USP47: variants seen among roughly 807,000 people sequenced by gnomAD.
USP47 encodes ubiquitin specific peptidase 47.
A neutral mutation model predicts 165.1 loss-of-function variants in USP47; 35 were observed. The ratio of observed to expected loss-of-function variants is 0.21; its 90% CI spans 0.16 to 0.28. The LOEUF is 0.28. Ranked by LOEUF, USP47 falls within the 10% of genes least tolerant of loss-of-function variation. The pLI, the probability that USP47 is intolerant of heterozygous loss-of-function variation, is 1.00. For synonymous variants in USP47, 531 were observed against 544.5 expected (o/e 0.98, Z 0.35); for missense variants, 1,277 against 1,607.4 (o/e 0.79, Z 3.52).
intron 10 of USP47, among the ~76,000 whole-genome samples, chr11:11,922,342 T>C (rs896605141): frequency 3.9e-5 from 6 of 152,006 alleles, no homozygotes; most frequent in Non-Finnish European, 7.4e-5. Context: ...AAAGAAATTA[T>C]ATTCTTTCCT....
rs939139741 is a variant in USP47, at chr11:11,956,461, G to A, written c.*286G>A. The A allele has an allele frequency of 2.8e-5, 7 of 252,534 alleles. No individual in the cohort carries two copies. The highest frequency in any genetic ancestry group is 1.3e-4 in the African/African-American group (6 of 44,672). The allele number at this position is 252,534 out of a possible 1,614,324, so 15.6% of individuals were successfully genotyped here. On this transcript the variant is annotated 3_prime_UTR_variant, in exon 28 of 28. Coordinates refer to ENST00000527733, the MANE Select transcript of USP47 (RefSeq NM_001282659.2). Reference sequence around the variant, plus strand: ...TAACCTTCTATTAGAAAAGGGGACAGGGGAATGAGTAAACTTCTTTTATTG... The same window carrying A: ...TAACCTTCTATTAGAAAAGGGGACAAGGGAATGAGTAAACTTCTTTTATTG...
chr11:11,925,505 G>T (rs1453466269), intron 11 of USP47, among the ~76,000 whole-genome samples: 1 of 151,898 alleles, frequency 6.6e-6, no homozygotes, highest in African/African-American at 2.4e-5. Context: ...AAATGGAATT[G>T]TTTTCTTAAT....
chr11:11,864,205 T>C (rs1217426238), intron 1 of USP47, among the ~76,000 whole-genome samples: 2 of 152,114 alleles, frequency 1.3e-5, no homozygotes, highest in African/African-American at 4.8e-5. Context: ...AATGTAGGAA[T>C]TTATTTTATG....
chr11:11,928,360 T>A (rs539863879), intron 11 of USP47, among the ~76,000 whole-genome samples: 48 of 152,194 alleles, frequency 3.2e-4, no homozygotes, highest in African/African-American at 1.1e-3. Context: ...GGAATAAAAT[T>A]TGAACCACAA....
Position 11,903,269 on chromosome 11 carries a change from A to C in USP47, c.746A>C (p.Gln249Pro). Residue 249 changes from glutamine (Q) to proline (P), a missense_variant, in exon 7 of 28, where the codon CAG becomes CCG. Physicochemically the swap from Gln to Pro is moderately conservative, Grantham distance 76. This residue lies in a region of USP47 where 175 missense variants were observed against 295.8 expected (regional missense o/e 0.59). Transcript: ENST00000527733. The part of the protein sequence containing the change: ...SFGWDSSEAW[Q>P]QHDVQELCRV... ...GAATTTTATCTTAAAACAGCTTGGC[A>C]GCAGCATGATGTACAAGAACTATGC... 6.2e-7 allele frequency: 1 copy of C among 1,608,994 alleles called. No homozygotes were observed. The highest frequency in any genetic ancestry group is 8.5e-7 in the Non-Finnish European group (1 of 1,177,438).
intron 19 of USP47, 96 bp downstream of exon 19, chr11:11,940,644 C>A: frequency 7.5e-7 from 1 of 1,328,324 alleles, no homozygotes; most frequent in Non-Finnish European, 1.0e-6. Context: ...AGCTGTTCAA[C>A]ATCTGTCTGG....
In USP47 at chr11:11,884,904, A is replaced by T. The variant is rs80103732; in HGVS notation, c.357+324A>T. ...AAAGATCTCCTGTGTTTCAGTAGTG[A>T]CCCTTCCTTTGTTTAAGCATTTGCT... On this transcript the variant is annotated intron_variant, in intron 3 of 27. Coordinates refer to ENST00000527733, the MANE Select transcript of USP47 (RefSeq NM_001282659.2). Among the ~76,000 whole-genome samples, 589 of 152,164 alleles carry T rather than the reference A, an allele frequency of 3.9e-3. 1 individual carries two copies. The highest frequency in any genetic ancestry group is 0.014 in the African/African-American group (561 of 41,500).
At chr11:11,938,755 A>G (rs117330096) in intron 18 of USP47, among the ~76,000 whole-genome samples, 37 of 152,132 alleles carry the variant, frequency 2.4e-4, no homozygotes, top group South Asian at 6.2e-4. Flanking sequence ...GTCTGGTGAC[A>G]CTAGACTAGC....
chr11:11,922,344 T>G (rs1853897802), intron 10 of USP47, among the ~76,000 whole-genome samples: 1 of 151,994 alleles, frequency 6.6e-6, no homozygotes, highest in South Asian at 2.1e-4. Context: ...AGAAATTATA[T>G]TCTTTCCTGA....
rs776808693 is a variant in USP47 at position 11,948,531 on chromosome 11, A to G, written c.3321A>G (p.Val1107=). 48 of 1,612,704 alleles carry G rather than the reference A, an allele frequency of 3.0e-5. No homozygotes were observed. The East Asian group carries it at 7.6e-4, about 25-fold the overall frequency. The change falls in exon 22 of 28, where the codon GTA becomes GTG. Residue 1107 remains valine (V), a synonymous_variant. Transcript: ENST00000527733. ...AAAAAGGAGAATACAGAGTTAAAGT[A>G]TACCAGCTTTTGGTCAATGAACAAG... ...ALKKGEYRVK[V]YQLLVNEQEP... is the part of the protein sequence containing the mutation.
At chr11:11,878,721 A>G (rs1340760951) in intron 1 of USP47, 1 of 152,108 alleles carries the variant, frequency 6.6e-6, no homozygotes, top group East Asian at 1.9e-4. Flanking sequence ...TAAATATTAT[A>G]CTTTTATAGC....
At chr11:11,941,640 G>A (rs1855480582) in intron 19 of USP47, among the ~76,000 whole-genome samples, 3 of 151,858 alleles carry the variant, frequency 2.0e-5, no homozygotes, top group Admixed American at 2.0e-4. Flanking sequence ...CAGATTATTT[G>A]ATAAACTTCC....
At chr11:11,913,905 TGAAAA>T (rs1384664088) in intron 8 of USP47, among the ~76,000 whole-genome samples, 1 of 152,036 alleles carries the variant, frequency 6.6e-6, no homozygotes, top group Non-Finnish European at 1.5e-5. Flanking sequence ...AAAAAAACTT[TGAAAA>T]GAATAAATGG....
intron 1 of USP47, among the ~76,000 whole-genome samples, chr11:11,846,291 T>C (rs1403952286): frequency 6.6e-6 from 1 of 152,168 alleles, no homozygotes; most frequent in Non-Finnish European, 1.5e-5. Context: ...CATTGAGTAC[T>C]CACTGTGCAT....
chr11:11,859,288 T>C (rs1464343257), intron 1 of USP47, among the ~76,000 whole-genome samples: 1 of 152,194 alleles, frequency 6.6e-6, no homozygotes, highest in Non-Finnish European at 1.5e-5. Flanking sequence ...CTGGTAATAA[T>C]GTTAACATGA....
At chr11:11,902,664 T>C (rs1590341055) in intron 5 of USP47, 51 bp from the exon 6 acceptor site, 1 of 1,257,720 alleles carries the variant, frequency 8.0e-7, no homozygotes. Context: ...ATTATGCTTT[T>C]AAATAATAAA....
At chr11:11,909,885 C>T (rs897040171) in intron 8 of USP47, among the ~76,000 whole-genome samples, 16 of 152,122 alleles carry the variant, frequency 1.1e-4, no homozygotes, top group African/African-American at 3.6e-4. Flanking sequence ...CAACTATTTA[C>T]ACAAGTTTAT....
At chr11:11,853,269 C>G (rs1848829252) in intron 1 of USP47, among the ~76,000 whole-genome samples, 1 of 152,134 alleles carries the variant, frequency 6.6e-6, no homozygotes. Context: ...CAAAAGACAT[C>G]TACTTTTAGA....
At chr11:11,899,881 G>A (rs887564288) in intron 5 of USP47, among the ~76,000 whole-genome samples, 2 of 152,056 alleles carry the variant, frequency 1.3e-5, no homozygotes, top group African/African-American at 4.8e-5. Context: ...GTAGAACTAA[G>A]AACCTCATTG....
Sources: allele counts gnomAD v4.1 joint callset (sites outside exome capture counted in the v4.1 genomes callset), GRCh38; gene constraint gnomAD v4.1.1; regional missense constraint gnomAD v4.1.1; transcripts MANE v1.5; gene names NCBI Gene and HGNC (gene_info 2026-07-23, HGNC 2026-07-21).